Variants in SND1 observed in about 807,000 individuals in gnomAD.
SND1 encodes the protein staphylococcal nuclease domain-containing protein 1.
SND1 carries 38 observed loss-of-function variants against 121.7 expected under a neutral mutation model. The observed-to-expected ratio is 0.31, with a 90% CI of 0.24 to 0.41. The LOEUF is 0.41. Ranked by LOEUF, SND1 falls within the 10% of genes least tolerant of loss-of-function variation. SND1 has a pLI of 1.00. For synonymous variants in SND1, 401 were observed against 447.4 expected, an observed-to-expected ratio of 0.90 and a Z score of 1.31; for missense variants, 868 against 1,184.6, an observed-to-expected ratio of 0.73 and a Z score of 3.92.
intron 16 of SND1, among the ~76,000 whole-genome samples, chr7:128,034,197 G>A (rs1202482419): frequency 2.0e-5 from 3 of 152,188 alleles, no homozygotes; most frequent in Admixed American, 2.0e-4. Context: ...CAAGTGGAGG[G>A]GGGAGGAGAG....
chr7:127,798,920 C>T (rs988446787), intron 10 of SND1, among the ~76,000 whole-genome samples: 1 of 151,858 alleles, frequency 6.6e-6, no homozygotes, highest in African/African-American at 2.4e-5. Flanking sequence ...GTGGTGCATA[C>T]CTATAGTCCC....
intron 11 of SND1, 67 bp from the exon 12 acceptor site, chr7:127,844,257 A>C (rs1799017172): frequency 8.0e-7 from 1 of 1,243,110 alleles, no homozygotes; most frequent in South Asian, 1.3e-5. Context: ...TTGAGCAGGC[A>C]CATGTGGCTG....
intron 14 of SND1, among the ~76,000 whole-genome samples, chr7:127,924,595 C>T (rs957617903): frequency 4.6e-5 from 7 of 152,084 alleles, no homozygotes; most frequent in Non-Finnish European, 8.8e-5. Flanking sequence ...ATTGTGATTT[C>T]TGTAGTTCAG....
At chr7:128,040,557 T>C (rs890984892) in intron 16 of SND1, among the ~76,000 whole-genome samples, 9 of 150,896 alleles carry the variant, frequency 6.0e-5, no homozygotes, top group African/African-American at 2.2e-4. Flanking sequence ...AGCAACTCTG[T>C]GCTCCAGAGA....
At chr7:127,804,942 C>T (rs1458152193) in intron 10 of SND1, among the ~76,000 whole-genome samples, 1 of 152,070 alleles carries the variant, frequency 6.6e-6, no homozygotes, top group Non-Finnish European at 1.5e-5. Context: ...CTTCTTTATT[C>T]CTGAGGGCTG....
intron 15 of SND1, among the ~76,000 whole-genome samples, chr7:127,951,092 G>A (rs183666623): frequency 1.3e-5 from 2 of 152,298 alleles, no homozygotes; most frequent in Admixed American, 6.5e-5. Context: ...AATGAAATCA[G>A]TATCTTGAAC....
intron 2 of SND1, among the ~76,000 whole-genome samples, chr7:127,692,807 G>A (rs1795944710): frequency 6.6e-6 from 1 of 152,176 alleles, no homozygotes; most frequent in South Asian, 2.1e-4. Flanking sequence ...CTCCAGTGTG[G>A]TTTTCTCTTA....
intron 12 of SND1, among the ~76,000 whole-genome samples, chr7:127,867,858 A>T (rs911754907): frequency 6.6e-6 from 1 of 151,364 alleles, no homozygotes; most frequent in African/African-American, 2.4e-5. Flanking sequence ...CTACCTCTCC[A>T]TGTTTATATT....
chr7:127,784,478 C>G (rs1797776912), intron 10 of SND1, among the ~76,000 whole-genome samples: 1 of 152,166 alleles, frequency 6.6e-6, no homozygotes, highest in Non-Finnish European at 1.5e-5. Context: ...GTACCTCTCC[C>G]CTCTCCTACT....
At chr7:128,066,984 G>A (rs923975054) in intron 16 of SND1, among the ~76,000 whole-genome samples, 2 of 152,048 alleles carry the variant, frequency 1.3e-5, no homozygotes, top group South Asian at 2.1e-4. Flanking sequence ...CATTTCCCGC[G>A]CCCCCCTGCA....
intron 15 of SND1, among the ~76,000 whole-genome samples, chr7:127,969,043 C>T (rs1801918399): frequency 6.6e-6 from 1 of 152,178 alleles, no homozygotes; most frequent in Non-Finnish European, 1.5e-5. Context: ...TCTGTGTTCA[C>T]CCACCATCTT....
chr7:127,856,544 G>C (rs1413925154), intron 12 of SND1, among the ~76,000 whole-genome samples: 2 of 152,212 alleles, frequency 1.3e-5, no homozygotes, highest in South Asian at 2.1e-4. Flanking sequence ...AGGTGAGTAT[G>C]TATGGTAGGA....
At chr7:127,944,216 C>T (rs1168290455) in intron 15 of SND1, among the ~76,000 whole-genome samples, 8 of 152,208 alleles carry the variant, frequency 5.3e-5, no homozygotes, top group African/African-American at 1.7e-4. Flanking sequence ...CTGCAGCCAG[C>T]GTGTCTCTAA....
intron 15 of SND1, among the ~76,000 whole-genome samples, chr7:127,947,411 T>G (rs1348599364): frequency 6.6e-6 from 1 of 152,230 alleles, no homozygotes; most frequent in Non-Finnish European, 1.5e-5. Flanking sequence ...GAGTCAGAAG[T>G]ATGGCAAAAT....
intron 15 of SND1, among the ~76,000 whole-genome samples, chr7:127,947,059 C>A (rs1179385902): frequency 6.6e-6 from 1 of 152,188 alleles, no homozygotes; most frequent in Non-Finnish European, 1.5e-5. Flanking sequence ...TAAAAGGCGA[C>A]TCATGGCAGT....
chr7:128,018,091 C>A (rs934599538), intron 16 of SND1, among the ~76,000 whole-genome samples: 3 of 152,234 alleles, frequency 2.0e-5, no homozygotes, highest in Admixed American at 1.3e-4. Flanking sequence ...TGAATCACAC[C>A]TCACTGCAGC....
chr7:127,729,913 C>T (rs757261348), intron 10 of SND1, among the ~76,000 whole-genome samples: 8 of 152,196 alleles, frequency 5.3e-5, no homozygotes, highest in Non-Finnish European at 7.3e-5. Context: ...TTTTAGCCTT[C>T]CTCTGAAAAT....
At position 128,029,127 on chromosome 7, in the gene SND1, G is replaced by A; in HGVS notation, c.1779+38071G>A. The A allele has an allele frequency of 1.2e-6, 2 of 1,614,138 alleles. No homozygotes were observed. The highest frequency in any genetic ancestry group is 2.2e-5 in the East Asian group (1 of 44,890). On this transcript the variant is annotated intron_variant, in intron 16 of 23. Coordinates refer to ENST00000354725, the MANE Select transcript of SND1 (RefSeq NM_014390.4). This position sits in a 1 kb window ranked among gnomAD's most constrained non-coding sequence, Gnocchi z 4.2. The stretch of plus-strand genomic sequence containing the variant: ...GTCAGTGGTGTCTGTCGCGGGTACT[G>A]CCACCTGCTTGGGCACACGGGTAGT...
intron 15 of SND1, among the ~76,000 whole-genome samples, chr7:127,938,438 G>A (rs573177423): frequency 9.6e-4 from 146 of 152,290 alleles, no homozygotes; most frequent in Non-Finnish European, 1.7e-3. Flanking sequence ...ATATGAAAGA[G>A]CAGTTATCAA....
Sources: gnomAD v4.1 joint callset for allele counts (sites outside exome capture counted in the v4.1 genomes callset) on GRCh38, gnomAD v4.1.1 for gene constraint, Gnocchi (gnomAD v3.1) non-coding constraint, MANE v1.5 for transcripts, NCBI Gene and HGNC (gene_info 2026-07-23, HGNC 2026-07-21) for gene names.